Variants in RUFY4 observed in about 807,000 individuals in gnomAD.
RUFY4 encodes the protein RUN and FYVE domain-containing protein 4.
A neutral mutation model predicts 69.0 loss-of-function variants in RUFY4; 73 were observed. The observed-to-expected ratio is 1.06, with a 90% CI of 0.88 to 1.29. RUFY4 has a LOEUF of 1.29. Among genes scored for constraint, RUFY4 ranks in the 50% most tolerant of loss-of-function variants. The probability of loss-of-function intolerance (pLI) is 0.00; values close to 1 mark genes in which losing one functional copy is unlikely to be tolerated. For missense variants in RUFY4, 770 were observed against 705.6 expected (o/e 1.09, Z -1.03); for synonymous variants, 287 against 271.8 (o/e 1.06, Z -0.55).
chr2:218,062,102 T>C (rs1200165705), intron 3 of RUFY4, among the ~76,000 whole-genome samples: 1 of 152,180 alleles, frequency 6.6e-6, no homozygotes, highest in Non-Finnish European at 1.5e-5. Context: ...GAAAAGTATA[T>C]TAAAAATGAT....
chr2:218,081,367 A>G (rs1689755629), intron 8 of RUFY4, among the ~76,000 whole-genome samples: 1 of 152,160 alleles, frequency 6.6e-6, no homozygotes, highest in Non-Finnish European at 1.5e-5. Context: ...CTGACTTTTC[A>G]TCTTCTGGGT....
At chr2:218,042,851 T>C (rs1041303134) in intron 2 of RUFY4, among the ~76,000 whole-genome samples, 1 of 152,198 alleles carries the variant, frequency 6.6e-6, no homozygotes, top group Non-Finnish European at 1.5e-5. Flanking sequence ...AATGAGTGTG[T>C]TACAGTTTTC....
chr2:218,068,559 T>C, upstream of RUFY4: 1 of 152,550 alleles, frequency 6.6e-6, no homozygotes, highest in Non-Finnish European at 1.5e-5. Flanking sequence ...AAAACAGCCG[T>C]CCTCCCAGGC....
At chr2:218,054,585 A>T (rs1689018058) in intron 2 of RUFY4, among the ~76,000 whole-genome samples, 1 of 151,902 alleles carries the variant, frequency 6.6e-6, no homozygotes, top group African/African-American at 2.4e-5. Context: ...TCAGTGGACT[A>T]AATAAATAAC....
chr2:218,082,522 T>C (rs1689785060), intron 8 of RUFY4, among the ~76,000 whole-genome samples: 1 of 152,206 alleles, frequency 6.6e-6, no homozygotes, highest in African/African-American at 2.4e-5. Context: ...GGCAGGGCCC[T>C]GTTTTCATTT....
At chr2:218,076,817 T>A (rs1689645257) in intron 8 of RUFY4, among the ~76,000 whole-genome samples, 1 of 152,182 alleles carries the variant, frequency 6.6e-6, no homozygotes, top group Non-Finnish European at 1.5e-5. Context: ...CCTGCCTCCC[T>A]CTGCTGCCTC....
intron 9 of RUFY4, among the ~76,000 whole-genome samples, chr2:218,087,015 T>A (rs6436026): frequency 0.61 from 93,353 of 152,082 alleles, 30,397 homozygotes; most frequent in African/African-American, 0.84. Flanking sequence ...GTAGAAGACA[T>A]CTTAGCTCTT....
chr2:218,043,133 T>C (rs546610576), intron 2 of RUFY4, among the ~76,000 whole-genome samples: 1 of 152,280 alleles, frequency 6.6e-6, no homozygotes, highest in South Asian at 2.1e-4. Flanking sequence ...AGCTCCTCTC[T>C]GTAGGCAGGT....
intron 2 of RUFY4, among the ~76,000 whole-genome samples, chr2:218,048,199 T>C (rs1299020936): frequency 6.6e-6 from 1 of 152,226 alleles, no homozygotes; most frequent in Non-Finnish European, 1.5e-5. Flanking sequence ...TGATCAGTGA[T>C]ATTGAGCTTT....
chr2:218,068,137 G>GGAGGATAGCAGGGGGTTA (rs1335551474), upstream of RUFY4, among the ~76,000 whole-genome samples: 1 of 133,532 alleles, frequency 7.5e-6, no homozygotes, highest in Non-Finnish European at 1.7e-5. Flanking sequence ...GCAGGGGACT[G>GGAGGATAGCAGGGGGTTA]GAGGAGGGCA....
At chr2:218,044,600 A>C (rs755474817) in intron 2 of RUFY4, among the ~76,000 whole-genome samples, 10 of 151,594 alleles carry the variant, frequency 6.6e-5, no homozygotes, top group Non-Finnish European at 1.5e-4. Context: ...CCCACCCTCC[A>C]TCCTCTGATA....
rs1689461065 is a variant in RUFY4, at chr2:218,070,512, G to C, written c.-94G>C. ...TTTCCCTCTGTAGGCTCTGCGTCCTGCTTTGTGTAAGGAGAGAGCTGGGCA... is the reference window on the plus strand; with the variant it reads ...TTTCCCTCTGTAGGCTCTGCGTCCTCCTTTGTGTAAGGAGAGAGCTGGGCA... On this transcript the variant is annotated 5_prime_UTR_variant, in exon 1 of 11. Transcript: ENST00000344321. 7.2e-6 allele frequency: 8 copies of C among 1,111,474 alleles called. No homozygotes were observed. In the East Asian group the frequency reaches 2.1e-4, roughly 29 times the overall value. 68.9% of individuals were successfully genotyped at this position (1,111,474 alleles called of 1,614,324 possible). A position where few individuals can be genotyped will look rare whatever the true frequency, so the allele number is the denominator to read the frequency against.
At chr2:218,048,331 A>G (rs1000503540) in intron 2 of RUFY4, among the ~76,000 whole-genome samples, 3 of 152,196 alleles carry the variant, frequency 2.0e-5, no homozygotes, top group Admixed American at 6.5e-5. Context: ...GATGCTGGAT[A>G]TTAGACCTTC....
In RUFY4 at chr2:218,073,793, CCCCCTG is replaced by C. The variant is rs1263471275; in HGVS notation, c.531-20_531-15del. ...CCAACACTGAAGAGAGGCCCAGGGT[CCCCCTG>C]CCTCTTTCACTTTCAGGTCACGCTG... On this transcript the variant is annotated splice_polypyrimidine_tract_variant and intron_variant, in intron 5 of 10. Coordinates refer to ENST00000344321, the Ensembl canonical transcript of RUFY4. 1.2e-6 allele frequency: 2 copies of C among 1,613,336 alleles called. No individual in the cohort carries two copies. The highest frequency in any genetic ancestry group is 2.7e-5 in the African/African-American group (2 of 74,908).
At chr2:218,057,989 A>C (rs1443827166) in intron 2 of RUFY4, among the ~76,000 whole-genome samples, 1 of 152,256 alleles carries the variant, frequency 6.6e-6, no homozygotes, top group African/African-American at 2.4e-5. Flanking sequence ...CATTTGTCCA[A>C]CTAAGCAGCT....
chr2:218,078,377 C>T (rs777798006), intron 8 of RUFY4, among the ~76,000 whole-genome samples: 1 of 152,046 alleles, frequency 6.6e-6, no homozygotes, highest in African/African-American at 2.4e-5. Context: ...TTCCAGGCTG[C>T]GAGAACAGCA....
chr2:218,042,688 T>G (rs1425470971), intron 2 of RUFY4, among the ~76,000 whole-genome samples: 1 of 104,440 alleles, frequency 9.6e-6, no homozygotes, highest in Non-Finnish European at 1.7e-5. Context: ...TCTGTTGTAG[T>G]GATTTTTCTG....
At chr2:218,080,820 C>T (rs1292107184) in intron 8 of RUFY4, among the ~76,000 whole-genome samples, 2 of 152,110 alleles carry the variant, frequency 1.3e-5, no homozygotes. Context: ...GTGATCAGGG[C>T]CTTACCTGGG....
chr2:218,038,953 A>G (rs561933453), intron 2 of RUFY4, among the ~76,000 whole-genome samples: 1 of 152,062 alleles, frequency 6.6e-6, no homozygotes, highest in African/African-American at 2.4e-5. Flanking sequence ...CAAAAATCAT[A>G]TCCTTGGCCA....
Sources: gnomAD v4.1 joint callset for allele counts (sites outside exome capture counted in the v4.1 genomes callset) on GRCh38, gnomAD v4.1.1 for gene constraint, MANE v1.5 for transcripts, NCBI Gene and HGNC (gene_info 2026-07-23, HGNC 2026-07-21) for gene names.